Variants in ACOT1 observed in about 807,000 individuals in gnomAD.
ACOT1 encodes the protein acyl-CoA thioesterase 1, also known as acyl-coenzyme A thioesterase 1.
ACOT1 carries 8 observed loss-of-function variants against 15.7 expected under a neutral mutation model. The ratio of observed to expected loss-of-function variants is 0.51; its 90% CI spans 0.30 to 0.92. The LOEUF (loss-of-function observed/expected upper bound fraction) is 0.92. Ranked by LOEUF, ACOT1 falls within the 40% of genes least tolerant of loss-of-function variation. ACOT1 has a pLI of 0.06. For missense variants in ACOT1, 151 were observed against 539.4 expected, an observed-to-expected ratio of 0.28 and a Z score of 7.13; for synonymous variants, 67 against 241.2, an observed-to-expected ratio of 0.28 and a Z score of 6.69.
the ACOT1 span, chr14:73,495,228 C>G: frequency 6.2e-7 from 1 of 1,612,768 alleles, no homozygotes; most frequent in East Asian, 2.2e-5. Context: ...GGAAACCTAC[C>G]CTGAAAAGTT....
chr14:73,500,679 C>T, the ACOT1 span: 1 of 1,614,172 alleles, frequency 6.2e-7, no homozygotes, highest in Non-Finnish European at 8.5e-7. Context: ...GCTCACCTAT[C>T]AGGTAGAGAG....
upstream of ACOT1, among the ~76,000 whole-genome samples, chr14:73,532,553 ACTG>A (rs149611060): frequency 0.053 from 6,082 of 115,148 alleles, 1,536 homozygotes; most frequent in African/African-American, 0.17. Context: ...TCCAGGCAAG[ACTG>A]CTGCTGCTGA....
chr14:73,507,553 C>T, the ACOT1 span, among the ~76,000 whole-genome samples: 2 of 152,032 alleles, frequency 1.3e-5, no homozygotes, highest in African/African-American at 2.4e-5. Flanking sequence ...CCCACCTCAG[C>T]CTCTTGAGTA....
At chr14:73,525,863 G>T in the ACOT1 span, among the ~76,000 whole-genome samples, 3 of 151,594 alleles carry the variant, frequency 2.0e-5, no homozygotes, top group Admixed American at 6.6e-5. Flanking sequence ...TGAGGCAGAA[G>T]AATTGCTTGA....
At chr14:73,491,240 C>T in the ACOT1 span, 1 of 1,589,300 alleles carries the variant, frequency 6.3e-7, no homozygotes, top group Non-Finnish European at 8.6e-7. Context: ...GGCCGACGAC[C>T]TGGGGGACGC....
At chr14:73,534,741 C>G (rs139170051), upstream of ACOT1, among the ~76,000 whole-genome samples, 3,813 of 111,220 alleles carry the variant, frequency 0.034, 894 homozygotes, top group African/African-American at 0.11. Context: ...CCTCAAGGCT[C>G]AAGAAACAAC....
chr14:73,510,424 TTTTTTGTTTTTG>T, the ACOT1 span, among the ~76,000 whole-genome samples: 1 of 145,610 alleles, frequency 6.9e-6, no homozygotes, highest in Non-Finnish European at 1.5e-5. Flanking sequence ...TGGCTGGAGT[TTTTTTGTTTTTG>T]TTTTTGTTTT....
chr14:73,503,092 C>T, the ACOT1 span: 1 of 1,104,882 alleles, frequency 9.1e-7, no homozygotes, highest in Admixed American at 1.7e-5. Flanking sequence ...GTTTTTTCTT[C>T]TTTTTTTACT....
chr14:73,509,862 A>ATTTATT, the ACOT1 span, among the ~76,000 whole-genome samples: 1 of 63,198 alleles, frequency 1.6e-5, no homozygotes, highest in African/African-American at 6.8e-5. Flanking sequence ...ATATATATAT[A>ATTTATT]TATATATTTA....
the ACOT1 span, chr14:73,502,908 G>T: frequency 6.2e-7 from 1 of 1,612,002 alleles, no homozygotes; most frequent in Non-Finnish European, 8.5e-7. Flanking sequence ...ATTATGTCGT[G>T]CACCTCTTTC....
chr14:73,520,042 C>T, the ACOT1 span: 2 of 152,242 alleles, frequency 1.3e-5, no homozygotes, highest in South Asian at 4.2e-4. Flanking sequence ...GAGGCCTTAT[C>T]CCTTATAAAA....
chr14:73,509,378 A>G, the ACOT1 span: 1 of 1,614,088 alleles, frequency 6.2e-7, no homozygotes, highest in South Asian at 1.1e-5. Context: ...GCATATTGGC[A>G]TATTGCTGCT....
the ACOT1 span, chr14:73,493,131 A>T: frequency 6.2e-7 from 1 of 1,611,974 alleles, no homozygotes; most frequent in South Asian, 1.1e-5. Flanking sequence ...TCATCTAGGT[A>T]CAAAAGGAAA....
the ACOT1 span, chr14:73,508,282 T>G: frequency 6.2e-7 from 1 of 1,613,818 alleles, no homozygotes; most frequent in Non-Finnish European, 8.5e-7. Context: ...AGCCCAGCTA[T>G]CCACACTGTT....
intron 1 of ACOT1, 141 bp from the exon 2 acceptor site, chr14:73,541,352 G>A (rs1400556046): frequency 1.3e-6 from 1 of 741,646 alleles, no homozygotes; most frequent in African/African-American, 1.9e-5. Flanking sequence ...ACGAACACAG[G>A]TTTTCATTTC....
At chr14:73,535,978 G>A (rs754656627), upstream of ACOT1, among the ~76,000 whole-genome samples, 22 of 115,776 alleles carry the variant, frequency 1.9e-4, 6 homozygotes, top group Non-Finnish European at 4.1e-4. Flanking sequence ...GTTCTTGTAA[G>A]TATTAACAAT....
upstream of ACOT1, among the ~76,000 whole-genome samples, chr14:73,535,469 C>CTTTTTTTTTTTTTTTTTTTTTTT (rs869167008): frequency 5.4e-4 from 9 of 16,526 alleles, 1 homozygote; most frequent in Non-Finnish European, 2.2e-3. Context: ...TTTCTTCTTT[C>CTTTTTTTTTTTTTTTTTTTTTTT]TTTTTTTTTT....
chr14:73,503,778 AC>A, the ACOT1 span, among the ~76,000 whole-genome samples: 1 of 152,068 alleles, frequency 6.6e-6, no homozygotes, highest in African/African-American at 2.4e-5. Flanking sequence ...TTATCCCTGC[AC>A]CCCCAGGGGT....
rs569878063 is a variant in ACOT1 at position 73,537,303 on chromosome 14, C to T, written c.-119C>T. ...GGCCTTCCCCGCTCACATTAGCAGA[C>T]AGCTCTGCCCTAGTGGGCGTTTAGC... On this transcript the variant is annotated 5_prime_UTR_variant, in exon 1 of 3. Transcript: ENST00000311148. 1.8e-4 allele frequency: 161 copies of T among 907,732 alleles called. 43 individuals carry two copies. Among genetic ancestry groups the T allele is most frequent in the Admixed American group, 1.4e-3 (43 of 31,548 alleles). 56.2% of individuals were successfully genotyped at this position (907,732 alleles called of 1,614,324 possible). A position where few individuals can be genotyped will look rare whatever the true frequency, so the allele number is the denominator to read the frequency against.
Sources: gnomAD v4.1 joint callset for allele counts (sites outside exome capture counted in the v4.1 genomes callset) on GRCh38, gnomAD v4.1.1 for gene constraint, MANE v1.5 for transcripts, NCBI Gene and HGNC (gene_info 2026-07-23, HGNC 2026-07-21) for gene names.